ZFHX3: variants seen among roughly 807,000 people sequenced by gnomAD.
The protein encoded by ZFHX3 is zinc finger homeobox protein 3.
Under a neutral mutation model 279.1 loss-of-function variants are expected in ZFHX3, and 42 were observed. The ratio of observed to expected loss-of-function variants is 0.15; its 90% CI spans 0.12 to 0.19. The LOEUF (loss-of-function observed/expected upper bound fraction) is 0.19. ZFHX3 is among the 10% of genes least tolerant of loss of function. The pLI is 1.00. For synonymous variants in ZFHX3, 2,293 were observed against 1,957.8 expected, an observed-to-expected ratio of 1.17 and a Z score of -4.52; for missense variants, 4,981 against 4,754.0, an observed-to-expected ratio of 1.05 and a Z score of -1.40.
At chr16:73,687,976 G>C (rs1010760414) in intron 1 of ZFHX3, among the ~76,000 whole-genome samples, 11 of 150,754 alleles carry the variant, frequency 7.3e-5, no homozygotes, top group Non-Finnish European at 1.0e-4. Flanking sequence ...TCCAACGTAA[G>C]ACGCAAATTC....
chr16:73,726,922 C>T (rs774893978), intron 1 of ZFHX3, among the ~76,000 whole-genome samples: 27 of 152,200 alleles, frequency 1.8e-4, no homozygotes, highest in Non-Finnish European at 3.4e-4. Flanking sequence ...CACACTAGCA[C>T]GTTGCCCTCC....
chr16:73,122,873 G>C (rs1450701064), intron 7 of ZFHX3, among the ~76,000 whole-genome samples: 1 of 152,106 alleles, frequency 6.6e-6, no homozygotes, highest in African/African-American at 2.4e-5. Flanking sequence ...GGATGTGGTC[G>C]GCCGCTGGGT....
chr16:72,919,177 G>C (rs1002883751), intron 3 of ZFHX3, among the ~76,000 whole-genome samples: 1 of 149,956 alleles, frequency 6.7e-6, no homozygotes, highest in African/African-American at 2.5e-5. Flanking sequence ...TTTTTTTAGA[G>C]ACAGGGTCTC....
chr16:73,704,402 A>C (rs549509275), intron 1 of ZFHX3, among the ~76,000 whole-genome samples: 21 of 152,330 alleles, frequency 1.4e-4, no homozygotes, highest in African/African-American at 4.8e-4. Flanking sequence ...AGAAAATGCA[A>C]GATTAAAAAA....
At chr16:73,714,017 A>AGGAAG (rs2053390520) in intron 1 of ZFHX3, among the ~76,000 whole-genome samples, 1 of 152,026 alleles carries the variant, frequency 6.6e-6, no homozygotes, top group African/African-American at 2.4e-5. Context: ...TTGATGTATG[A>AGGAAG]TCCCTTCCTC....
chr16:73,190,633 C>A (rs368905172), intron 5 of ZFHX3, among the ~76,000 whole-genome samples: 1 of 152,234 alleles, frequency 6.6e-6, no homozygotes, highest in South Asian at 2.1e-4. Context: ...ACCCAGGCAT[C>A]TGTTCACTTT....
chr16:73,728,194 A>G (rs1423227316), intron 1 of ZFHX3, among the ~76,000 whole-genome samples: 1 of 151,640 alleles, frequency 6.6e-6, no homozygotes, highest in South Asian at 2.1e-4. Context: ...GGATTTCTCG[A>G]GAGAGAGAGA....
At chr16:73,338,825 G>A (rs1050911261) in intron 3 of ZFHX3, among the ~76,000 whole-genome samples, 2 of 152,118 alleles carry the variant, frequency 1.3e-5, no homozygotes, top group East Asian at 1.9e-4. Flanking sequence ...CTCATGGGGC[G>A]GATTTCTCAT....
intron 1 of ZFHX3, among the ~76,000 whole-genome samples, chr16:73,865,565 T>G (rs1961993235): frequency 6.6e-6 from 1 of 152,130 alleles, no homozygotes; most frequent in Non-Finnish European, 1.5e-5. Flanking sequence ...AATTGCACCT[T>G]GTTTATTTTC....
chr16:73,670,255 T>C (rs1471004914), intron 2 of ZFHX3, among the ~76,000 whole-genome samples: 2 of 152,148 alleles, frequency 1.3e-5, no homozygotes, highest in African/African-American at 4.8e-5. Flanking sequence ...TTACAGAATT[T>C]AGAAAGTGTA....
chr16:73,648,615 T>C (rs2052642737), intron 2 of ZFHX3, among the ~76,000 whole-genome samples: 1 of 152,174 alleles, frequency 6.6e-6, no homozygotes, highest in Admixed American at 6.5e-5. Flanking sequence ...TTTCACCACG[T>C]TGGCCAGGCT....
At chr16:73,681,569 G>A (rs527418963) in intron 1 of ZFHX3, among the ~76,000 whole-genome samples, 4 of 152,112 alleles carry the variant, frequency 2.6e-5, no homozygotes, top group Non-Finnish European at 5.9e-5. Context: ...TCTGGTTAGC[G>A]TTTCTAAGCC....
intron 1 of ZFHX3, among the ~76,000 whole-genome samples, chr16:73,730,538 C>T (rs1056830898): frequency 6.6e-6 from 1 of 151,940 alleles, no homozygotes; most frequent in African/African-American, 2.4e-5. Flanking sequence ...CTGAGGAGAG[C>T]GGGCAAGTAC....
intron 1 of ZFHX3, among the ~76,000 whole-genome samples, chr16:73,801,528 G>C (rs1049229667): frequency 6.6e-6 from 1 of 152,282 alleles, no homozygotes; most frequent in East Asian, 1.9e-4. Context: ...CAAAAAATCA[G>C]GGCATGTGAA....
chr16:73,717,365 T>A (rs1394689414), intron 1 of ZFHX3, among the ~76,000 whole-genome samples: 1 of 151,818 alleles, frequency 6.6e-6, no homozygotes, highest in Non-Finnish European at 1.5e-5. Flanking sequence ...CCATTTGACT[T>A]ATTCCCTTTG....
intron 4 of ZFHX3, among the ~76,000 whole-genome samples, chr16:72,835,000 C>T (rs2037153754): frequency 6.6e-5 from 10 of 152,096 alleles, no homozygotes; most frequent in Admixed American, 6.6e-4. Context: ...GACAAAGCCC[C>T]CATAGTGCCT....
At chr16:73,823,051 G>C (rs1960793958) in intron 1 of ZFHX3, among the ~76,000 whole-genome samples, 1 of 152,152 alleles carries the variant, frequency 6.6e-6, no homozygotes, top group South Asian at 2.1e-4. Context: ...TGCCCTTATG[G>C]AGCTTAGAGA....
At chr16:73,539,009 T>C (rs917847915) in intron 2 of ZFHX3, among the ~76,000 whole-genome samples, 8 of 152,188 alleles carry the variant, frequency 5.3e-5, no homozygotes, top group Admixed American at 1.3e-4. Context: ...ATGTGTCCCC[T>C]AAGCAGGTAT....
intron 1 of ZFHX3, among the ~76,000 whole-genome samples, chr16:73,708,218 C>T (rs371333629): frequency 3.9e-5 from 6 of 152,052 alleles, no homozygotes; most frequent in South Asian, 4.1e-4. Flanking sequence ...TTGAAGTCTC[C>T]GTTTTATCAA....
Sources: allele counts gnomAD v4.1 joint callset (sites outside exome capture counted in the v4.1 genomes callset), GRCh38; gene constraint gnomAD v4.1.1; transcripts MANE v1.5; gene names NCBI Gene and HGNC (gene_info 2026-07-23, HGNC 2026-07-21).